Variants in LUZP2 observed in about 807,000 individuals in gnomAD.
LUZP2 encodes leucine zipper protein 2.
A neutral mutation model predicts 51.6 loss-of-function variants in LUZP2; 52 were observed. That is an observed-to-expected ratio of 1.01 (90% CI 0.81 to 1.27). The LOEUF (loss-of-function observed/expected upper bound fraction) is 1.27, where lower values mean the gene tolerates loss of function less well. Ranked by LOEUF, LUZP2 falls within the 50% of genes most tolerant of loss-of-function variation. LUZP2 has a pLI of 0.00. For synonymous variants in LUZP2, 154 were observed against 137.3 expected (o/e 1.12, Z -0.85); for missense variants, 436 against 395.4 (o/e 1.10, Z -0.87).
chr11:24,586,577 T>A (rs1207579714), intron 1 of LUZP2, among the ~76,000 whole-genome samples: 4 of 152,070 alleles, frequency 2.6e-5, no homozygotes, highest in Non-Finnish European at 5.9e-5. Context: ...AAGTCATACA[T>A]TTTAATAAAA....
intron 5 of LUZP2, among the ~76,000 whole-genome samples, chr11:24,793,043 T>C (rs755169387): frequency 2.6e-5 from 4 of 152,210 alleles, no homozygotes; most frequent in Non-Finnish European, 5.9e-5. Flanking sequence ...TGCATTTTAA[T>C]TTTAGCTGAG....
At chr11:24,994,296 T>C (rs1856434743) in intron 9 of LUZP2, among the ~76,000 whole-genome samples, 1 of 152,132 alleles carries the variant, frequency 6.6e-6, no homozygotes, top group Admixed American at 6.6e-5. Flanking sequence ...TATGATTTAA[T>C]TTGAGTTTAC....
At chr11:24,957,215 T>G (rs1855236575) in intron 7 of LUZP2, among the ~76,000 whole-genome samples, 1 of 152,172 alleles carries the variant, frequency 6.6e-6, no homozygotes, top group Admixed American at 6.5e-5. Context: ...TCTTTGATCC[T>G]AATTCTTTTT....
At chr11:24,540,782 A>G (rs1437259396) in intron 1 of LUZP2, among the ~76,000 whole-genome samples, 10 of 152,132 alleles carry the variant, frequency 6.6e-5, no homozygotes, top group Admixed American at 5.9e-4. Context: ...TATCTTTTAT[A>G]TGCTGATACT....
chr11:24,934,680 A>G (rs972769514), intron 7 of LUZP2, among the ~76,000 whole-genome samples: 8 of 152,184 alleles, frequency 5.3e-5, no homozygotes, highest in African/African-American at 1.7e-4. Flanking sequence ...TTGTAAATAC[A>G]TTTAAAATTA....
At chr11:24,775,214 C>T (rs1848879811) in intron 5 of LUZP2, among the ~76,000 whole-genome samples, 1 of 152,048 alleles carries the variant, frequency 6.6e-6, no homozygotes, top group East Asian at 1.9e-4. Flanking sequence ...TGACTATTTG[C>T]TCACTACAAA....
At chr11:24,654,056 T>C (rs1386237805) in intron 1 of LUZP2, among the ~76,000 whole-genome samples, 6 of 152,314 alleles carry the variant, frequency 3.9e-5, no homozygotes, top group African/African-American at 1.4e-4. Context: ...TATAATCTTA[T>C]CTCTATTACT....
At chr11:24,743,353 C>G (rs1859255838) in intron 4 of LUZP2, among the ~76,000 whole-genome samples, 1 of 152,084 alleles carries the variant, frequency 6.6e-6, no homozygotes, top group Non-Finnish European at 1.5e-5. Context: ...TTTGTGTCAT[C>G]TGTGATTTCT....
At position 24,534,103 on chromosome 11, in the gene LUZP2, C is replaced by T. The variant is rs536556028; in HGVS notation, c.62+36798C>T. Among the ~76,000 whole-genome samples, 7 of 151,254 alleles carry T rather than the reference C, an allele frequency of 4.6e-5. No homozygotes were observed. In the South Asian group the frequency reaches 1.5e-3, roughly 31 times the overall value. The stretch of plus-strand genomic sequence containing the variant: ...CCTTTGTATTTACAATTTGTTGAAT[C>T]CAGGTCTCCAAATCTTTTCAGTGTC... On this transcript the variant is annotated intron_variant, in intron 1 of 11. Coordinates refer to ENST00000336930, the MANE Select transcript of LUZP2 (RefSeq NM_001009909.4).
intron 1 of LUZP2, among the ~76,000 whole-genome samples, chr11:24,603,901 A>G (rs140118860): frequency 4.0e-4 from 61 of 151,874 alleles, no homozygotes; most frequent in African/African-American, 1.4e-3. Context: ...ATTTATTTTT[A>G]TTATTGTGAT....
At chr11:24,788,698 G>A (rs1304990706) in intron 5 of LUZP2, among the ~76,000 whole-genome samples, 1 of 151,914 alleles carries the variant, frequency 6.6e-6, no homozygotes, top group Non-Finnish European at 1.5e-5. Flanking sequence ...CTTGATTATG[G>A]AGGCTGCCAA....
At chr11:24,572,601 C>G (rs755852359) in intron 1 of LUZP2, among the ~76,000 whole-genome samples, 60 of 152,092 alleles carry the variant, frequency 3.9e-4, no homozygotes, top group Admixed American at 1.1e-3. Flanking sequence ...TGTAAAACTA[C>G]TCTGTGCAAG....
At chr11:25,050,512 A>T (rs185035677) in intron 10 of LUZP2, among the ~76,000 whole-genome samples, 35 of 151,928 alleles carry the variant, frequency 2.3e-4, no homozygotes, top group African/African-American at 8.0e-4. Context: ...CACCGTGTTA[A>T]CCAGGCTGGT....
intron 1 of LUZP2, among the ~76,000 whole-genome samples, chr11:24,672,635 T>G (rs143709792): frequency 0.016 from 2,443 of 152,322 alleles, 36 homozygotes; most frequent in Middle Eastern, 0.037. Context: ...CATCTTTAGC[T>G]ACAAGGATAT....
At chr11:24,901,421 TGAAGAG>T (rs1565081327) in intron 5 of LUZP2, among the ~76,000 whole-genome samples, 1 of 150,600 alleles carries the variant, frequency 6.6e-6, no homozygotes, top group African/African-American at 2.4e-5. Flanking sequence ...AAAGGTAACT[TGAAGAG>T]GATTATAGAA....
chr11:25,027,249 A>G (rs1857518433), intron 9 of LUZP2, among the ~76,000 whole-genome samples: 1 of 152,164 alleles, frequency 6.6e-6, no homozygotes. Flanking sequence ...ATAATGGGAT[A>G]ATTCATAATA....
At chr11:24,992,651 C>T (rs544108961) in intron 9 of LUZP2, among the ~76,000 whole-genome samples, 2 of 152,178 alleles carry the variant, frequency 1.3e-5, no homozygotes, top group South Asian at 4.1e-4. Flanking sequence ...GGAAGCATTG[C>T]TCCCAATACC....
chr11:24,507,213 A>T (rs996286175), intron 1 of LUZP2, among the ~76,000 whole-genome samples: 8 of 152,048 alleles, frequency 5.3e-5, no homozygotes, highest in Non-Finnish European at 7.4e-5. Flanking sequence ...TTGAATTTTC[A>T]TTTTAATATG....
At chr11:24,789,604 A>C (rs2134091911) in intron 5 of LUZP2, among the ~76,000 whole-genome samples, 1 of 152,244 alleles carries the variant, frequency 6.6e-6, no homozygotes, top group South Asian at 2.1e-4. Context: ...TAGTCTATTC[A>C]GGCTGCCATA....
Sources: allele counts gnomAD v4.1 joint callset (sites outside exome capture counted in the v4.1 genomes callset), GRCh38; gene constraint gnomAD v4.1.1; transcripts MANE v1.5; gene names NCBI Gene and HGNC (gene_info 2026-07-23, HGNC 2026-07-21).